The following CAND2 variants were observed in gnomAD, a reference collection of about 807,000 sequenced individuals.
CAND2 encodes cullin associated and neddylation dissociated 2 (putative), also known as cullin-associated NEDD8-dissociated protein 2.
Under a neutral mutation model 98.9 loss-of-function variants are expected in CAND2, and 62 were observed. The observed-to-expected ratio is 0.63, with a 90% CI of 0.51 to 0.77. The LOEUF (loss-of-function observed/expected upper bound fraction) is 0.77. CAND2 is among the 30% of genes least tolerant of loss of function. The probability of loss-of-function intolerance (pLI) is 0.00; values close to 1 mark genes in which losing one functional copy is unlikely to be tolerated. For synonymous variants in CAND2, 770 were observed against 731.9 expected, an observed-to-expected ratio of 1.05 and a Z score of -0.84; for missense variants, 1,501 against 1,655.2, an observed-to-expected ratio of 0.91 and a Z score of 1.62.
rs3732678 is a variant in CAND2, at chr3:12,817,505, A to C, written c.2573A>C (p.His858Pro). The part of the protein sequence containing the change: ...AEVGQVAGPG[H>P]QRELKAVLLE... ...GTGGGTCAGGTGGCTGGGCCAGGCC[A>C]CCAGCGGGAGCTGAAGGCGGTGCTC... The change falls in exon 10 of 15, where the codon CAC becomes CCC. Residue 858 changes from histidine to proline, a missense_variant. His to Pro is a moderately conservative substitution (Grantham distance 77). Around this residue, in one of 3 missense-constraint regions of CAND2, gnomAD observed 1,427 missense variants for 1,545.3 expected, o/e 0.92. Transcript: ENST00000456430. The C allele has an allele frequency of 0.58, 936,416 of 1,613,338 alleles. 282,471 individuals are homozygous for C. Among genetic ancestry groups the C allele is most frequent in the African/African-American group, 0.92 (68,753 of 75,070 alleles).
chr3:12,804,864 A>C (rs1012400877), intron 2 of CAND2, among the ~76,000 whole-genome samples: 2 of 152,194 alleles, frequency 1.3e-5, no homozygotes, highest in Non-Finnish European at 2.9e-5. Flanking sequence ...AGCAGAGAGA[A>C]TTCAGTAAAG....
chr3:12,811,548 G>A (rs187296470), intron 5 of CAND2, among the ~76,000 whole-genome samples: 1 of 152,324 alleles, frequency 6.6e-6, no homozygotes, highest in Admixed American at 6.5e-5. Context: ...TCGAGTGCCT[G>A]CTCGTGTAGA....
Position 12,827,533 on chromosome 3 carries a change from C to G in CAND2, c.3304C>G (p.Leu1102Val), listed in dbSNP as rs554019583. Residue 1102 changes from leucine (L) to valine (V), a missense_variant, in exon 13 of 15, where the codon CTG (leucine) becomes GTG (valine). Around this residue, in one of 3 missense-constraint regions of CAND2, gnomAD observed 1,427 missense variants for 1,545.3 expected, o/e 0.92. Transcript: ENST00000456430. Reference protein sequence around the residue: ...ECMYSLLESCLGQLDICEFLN... With the variant: ...ECMYSLLESCVGQLDICEFLN... The stretch of plus-strand genomic sequence containing the variant: ...CATGTATTCACTGCTTGAGAGCTGC[C>G]TGGGCCAGCTGGATATCTGTGAGTT... 1.2e-6 allele frequency: 2 copies of G among 1,613,954 alleles called. No individual in the cohort carries two copies. Among genetic ancestry groups the G allele is most frequent in the Non-Finnish European group, 1.7e-6 (2 of 1,180,012 alleles).
At chr3:12,798,903 C>T (rs1034677677) in intron 1 of CAND2, among the ~76,000 whole-genome samples, 80 of 145,982 alleles carry the variant, frequency 5.5e-4, no homozygotes, top group Non-Finnish European at 1.0e-3. Context: ...TGAGACTGTC[C>T]TCTGGTTCCT....
At chr3:12,801,073 T>C (rs2061763060) in intron 1 of CAND2, among the ~76,000 whole-genome samples, 1 of 139,398 alleles carries the variant, frequency 7.2e-6, no homozygotes, top group Non-Finnish European at 1.5e-5. Context: ...ATACTCGCAC[T>C]GTTACCCAGG....
At position 12,833,846 on chromosome 3, in the gene CAND2, C is replaced by G; in HGVS notation, c.3575C>G (p.Pro1192Arg). The G allele has an allele frequency of 6.2e-7, 1 of 1,614,208 alleles. No individual in the cohort carries two copies. Among genetic ancestry groups the G allele is most frequent in the Non-Finnish European group, 8.5e-7 (1 of 1,180,024 alleles). Residue 1192 changes from proline to arginine, a missense_variant, in exon 15 of 15, where the codon CCC (proline) becomes CGC (arginine). Around this residue, in one of 3 missense-constraint regions of CAND2, gnomAD observed 1,427 missense variants for 1,545.3 expected, o/e 0.92. Coordinates refer to ENST00000456430, the MANE Select transcript of CAND2 (RefSeq NM_001162499.2). ...GCAGTGGCTGCCCTGCTGACCATCCCCGAGGTGGGGAAAAGCCCCATCATG... is the reference window on the plus strand; with the variant it reads ...GCAGTGGCTGCCCTGCTGACCATCCGCGAGGTGGGGAAAAGCCCCATCATG... ...MRAVAALLTI[P>R]EVGKSPIMAD...
intron 11 of CAND2, among the ~76,000 whole-genome samples, chr3:12,823,821 C>T (rs1050707598): frequency 1.8e-4 from 27 of 152,248 alleles, no homozygotes; most frequent in African/African-American, 2.6e-4. Context: ...CGCTTGAACC[C>T]GGGAGATGAA....
intron 14 of CAND2, among the ~76,000 whole-genome samples, chr3:12,833,353 T>C (rs2062070800): frequency 6.6e-6 from 1 of 152,160 alleles, no homozygotes. Flanking sequence ...ATCGCAGTGA[T>C]CCATTCATTC....
At chr3:12,810,408 TG>T in intron 5 of CAND2, 84 bp downstream of exon 5, 1 of 1,081,672 alleles carries the variant, frequency 9.2e-7, no homozygotes, top group Non-Finnish European at 1.2e-6. Context: ...GGGCGGAGCT[TG>T]GGCCGCAGTG....
At chr3:12,801,317 C>T (rs1227197792) in intron 1 of CAND2, among the ~76,000 whole-genome samples, 3 of 152,234 alleles carry the variant, frequency 2.0e-5, no homozygotes, top group African/African-American at 7.2e-5. Context: ...GGATTACAGG[C>T]GTGAGCCGCC....
At chr3:12,803,152 G>C (rs1236521223) in intron 1 of CAND2, among the ~76,000 whole-genome samples, 1 of 152,152 alleles carries the variant, frequency 6.6e-6, no homozygotes, top group Non-Finnish European at 1.5e-5. Context: ...ACCACACCTG[G>C]CTAATTTTTT....
intron 5 of CAND2, 72 bp from the exon 6 acceptor site, chr3:12,812,918 C>A: frequency 1.1e-6 from 1 of 911,642 alleles, no homozygotes; most frequent in Non-Finnish European, 1.8e-6. Context: ...CATAGACAGT[C>A]TGAGTGCTGT....
In CAND2 at chr3:12,807,427, A is replaced by G; in HGVS notation, c.334A>G (p.Thr112Ala). 1.3e-6 allele frequency: 2 copies of G among 1,551,444 alleles called. No individual in the cohort carries two copies. The highest frequency in any genetic ancestry group is 1.7e-6 in the Non-Finnish European group (2 of 1,146,950). Residue 112 changes from threonine to alanine, a missense_variant, in exon 3 of 15, where the codon ACC (threonine) becomes GCC (alanine). By Grantham distance (58) the Thr-to-Ala change is moderately conservative. Around this residue, in one of 3 missense-constraint regions of CAND2, gnomAD observed 1,427 missense variants for 1,545.3 expected, o/e 0.92. Coordinates refer to ENST00000456430, the MANE Select transcript of CAND2 (RefSeq NM_001162499.2). ...AGACATTGCCGGCATTGGCCTCAAG[A>G]CCGTCCTCTCGGAGCTCCCTCCTGC... ...LRDIAGIGLK[T>A]VLSELPPAAT... is the part of the protein sequence containing the mutation.
chr3:12,819,109 G>A (rs2061933770), intron 10 of CAND2, among the ~76,000 whole-genome samples: 1 of 152,108 alleles, frequency 6.6e-6, no homozygotes, highest in Non-Finnish European at 1.5e-5. Context: ...TCACCTCCCT[G>A]CCTTCAGTCG....
chr3:12,804,930 G>A (rs1171472972), intron 2 of CAND2, among the ~76,000 whole-genome samples: 3 of 152,190 alleles, frequency 2.0e-5, no homozygotes, highest in African/African-American at 7.2e-5. Context: ...TGTCTTTCTG[G>A]TCATGGAGTA....
chr3:12,819,068 C>T (rs889760056), intron 10 of CAND2, among the ~76,000 whole-genome samples: 1 of 152,182 alleles, frequency 6.6e-6, no homozygotes, highest in African/African-American at 2.4e-5. Flanking sequence ...CTTATTGATG[C>T]TCTCTGTACA....
chr3:12,802,094 G>C (rs867675905), intron 1 of CAND2, among the ~76,000 whole-genome samples: 1 of 152,176 alleles, frequency 6.6e-6, no homozygotes, highest in Non-Finnish European at 1.5e-5. Context: ...TTGGGAGGCC[G>C]AGGTGGGCGG....
At chr3:12,822,148 C>T (rs1222093539) in intron 11 of CAND2, among the ~76,000 whole-genome samples, 3 of 152,138 alleles carry the variant, frequency 2.0e-5, no homozygotes, top group African/African-American at 7.2e-5. Context: ...TTTTTCTTCT[C>T]TCCCACTTAT....
At chr3:12,812,871 C>A (rs1327742583) in intron 5 of CAND2, 119 bp from the exon 6 acceptor site, 17 of 659,304 alleles carry the variant, frequency 2.6e-5, no homozygotes. Flanking sequence ...ACTATGAAAC[C>A]TCTGAGTTGA....
Sources: allele counts gnomAD v4.1 joint callset (sites outside exome capture counted in the v4.1 genomes callset), GRCh38; gene constraint gnomAD v4.1.1; regional missense constraint gnomAD v4.1.1; transcripts MANE v1.5; gene names NCBI Gene and HGNC (gene_info 2026-07-23, HGNC 2026-07-21).